USP34: variants seen among roughly 807,000 people sequenced by gnomAD.
USP34 encodes ubiquitin specific peptidase 34.
In USP34, 70 loss-of-function variants were observed where a neutral mutation model predicts 460.3. The observed-to-expected ratio is 0.15, with a 90% CI of 0.13 to 0.19. The LOEUF (loss-of-function observed/expected upper bound fraction) is 0.19, where lower values mean the gene tolerates loss of function less well. Among genes scored for constraint, USP34 ranks in the 10% least tolerant of loss-of-function variants. The probability of loss-of-function intolerance (pLI) is 1.00; values close to 1 mark genes in which losing one functional copy is unlikely to be tolerated. For missense variants in USP34, 3,985 were observed against 4,236.2 expected, an observed-to-expected ratio of 0.94 and a Z score of 1.65; for synonymous variants, 1,647 against 1,405.3, an observed-to-expected ratio of 1.17 and a Z score of -3.85.
At chr2:61,250,244 G>T in intron 48 of USP34, 1 of 181,128 alleles carries the variant, frequency 5.5e-6, no homozygotes, top group South Asian at 1.0e-4. Flanking sequence ...CTCAGTCTGA[G>T]GAAGGTTATA....
At chr2:61,294,083 C>T (rs572002408) in intron 32 of USP34, among the ~76,000 whole-genome samples, 35 of 152,044 alleles carry the variant, frequency 2.3e-4, no homozygotes, top group Admixed American at 3.3e-4. Flanking sequence ...CGGTGGCTCA[C>T]GCCTGTAATC....
intron 68 of USP34, among the ~76,000 whole-genome samples, chr2:61,212,278 G>T (rs1374634714): frequency 6.6e-6 from 1 of 152,108 alleles, no homozygotes; most frequent in South Asian, 2.1e-4. Context: ...TACAAGTTTA[G>T]AAAGAGTAAA....
At position 61,470,954 on chromosome 2, in the gene USP34, AG is replaced by A. The variant is rs1185876231; in HGVS notation, c.-263del. On this transcript the variant is annotated 5_prime_UTR_variant, in exon 1 of 80. Coordinates refer to ENST00000398571, the MANE Select transcript of USP34 (RefSeq NM_014709.4). ...GGCGCCGAGGCGCCGGCGGCGGGGA[AG>A]GGGGGGAAGGACGGGGGGAGGGGAG... Among the ~76,000 whole-genome samples the A allele has an allele frequency of 7.5e-5, 3 of 39,926 alleles. No homozygotes were observed. Among genetic ancestry groups the A allele is most frequent in the African/African-American group, 2.0e-4 (2 of 9,862 alleles). 26.2% of individuals were successfully genotyped at this position (39,926 alleles called of 152,430 possible).
At chr2:61,298,131 A>G (rs1690091088) in intron 29 of USP34, among the ~76,000 whole-genome samples, 1 of 152,118 alleles carries the variant, frequency 6.6e-6, no homozygotes, top group South Asian at 2.1e-4. Flanking sequence ...CAGTAAAGAT[A>G]CTTTATTTTT....
chr2:61,455,935 G>T (rs568745151), intron 1 of USP34, among the ~76,000 whole-genome samples: 17 of 152,174 alleles, frequency 1.1e-4, no homozygotes, highest in African/African-American at 3.9e-4. Context: ...AATGACAGGA[G>T]CAAGATTTGA....
chr2:61,423,896 A>G (rs911862560), intron 1 of USP34, among the ~76,000 whole-genome samples: 7 of 152,244 alleles, frequency 4.6e-5, no homozygotes, highest in Non-Finnish European at 7.3e-5. Flanking sequence ...GTTCAACGCT[A>G]TAGTGAGATA....
At position 61,266,058 on chromosome 2, in the gene USP34, A is replaced by G; in HGVS notation, c.5543T>C (p.Leu1848Ser). 1 of 1,613,978 alleles carries G rather than the reference A, an allele frequency of 6.2e-7. No individual in the cohort carries two copies. The highest frequency in any genetic ancestry group is 8.5e-7 in the Non-Finnish European group (1 of 1,179,890). ...HSSRAAAYDLLVEMVKGSVEN... is the reference protein window; with the variant it reads ...HSSRAAAYDLSVEMVKGSVEN... ...AACAGACCCCTTTACCATCTCTACT[A>G]ACAAATCGTAAGCGGCAGCTCTTGA... Residue 1848 changes from leucine (L) to serine (S), a missense_variant, in exon 42 of 80, where the codon TTA (leucine) becomes TCA (serine). Leu to Ser is a moderately radical substitution (Grantham distance 145). Transcript: ENST00000398571.
chr2:61,243,016 G>C (rs1294252490), intron 51 of USP34, among the ~76,000 whole-genome samples: 1 of 151,412 alleles, frequency 6.6e-6, no homozygotes, highest in Non-Finnish European at 1.5e-5. Context: ...CTAATTTTTT[G>C]CGTGTTTTTA....
intron 30 of USP34, among the ~76,000 whole-genome samples, chr2:61,295,593 T>C (rs1312225160): frequency 6.6e-6 from 1 of 152,242 alleles, no homozygotes; most frequent in Non-Finnish European, 1.5e-5. Context: ...GTTGAGTGGG[T>C]AAACTTCTAA....
At chr2:61,303,996 T>G (rs1690322127) in intron 27 of USP34, among the ~76,000 whole-genome samples, 1 of 152,036 alleles carries the variant, frequency 6.6e-6, no homozygotes, top group African/African-American at 2.4e-5. Flanking sequence ...CTCCTGGGCT[T>G]AAGCGATTCT....
At chr2:61,232,401 T>G (rs1204410709) in intron 58 of USP34, 51 bp downstream of exon 58, 2 of 1,414,244 alleles carry the variant, frequency 1.4e-6, no homozygotes, top group Non-Finnish European at 2.0e-6. Context: ...ATAATTAAAT[T>G]GAAAGTAACT....
chr2:61,427,358 C>A (rs892712348), intron 1 of USP34, among the ~76,000 whole-genome samples: 1 of 152,122 alleles, frequency 6.6e-6, no homozygotes, highest in African/African-American at 2.4e-5. Context: ...AGAAAGCCTT[C>A]CCAAGAAGGA....
At chr2:61,365,912 C>T (rs1163544914) in intron 10 of USP34, among the ~76,000 whole-genome samples, 1 of 148,560 alleles carries the variant, frequency 6.7e-6, no homozygotes, top group Non-Finnish European at 1.5e-5. Flanking sequence ...AAAACTTACA[C>T]ATTTCTGAAA....
chr2:61,270,417 T>C (rs1371881080), intron 41 of USP34, among the ~76,000 whole-genome samples: 5 of 152,224 alleles, frequency 3.3e-5, no homozygotes, highest in African/African-American at 4.8e-5. Flanking sequence ...TCTGTTGTTA[T>C]AAGCTACCCA....
intron 53 of USP34, among the ~76,000 whole-genome samples, chr2:61,238,171 C>A (rs930197561): frequency 6.6e-6 from 1 of 152,144 alleles, no homozygotes; most frequent in Non-Finnish European, 1.5e-5. Context: ...GCTGGGATTA[C>A]AGGTGTGAGG....
At chr2:61,236,270 C>A (rs778409024) in intron 54 of USP34, 34 bp from the exon 55 acceptor site, 4 of 1,594,382 alleles carry the variant, frequency 2.5e-6, no homozygotes, top group African/African-American at 1.4e-5. Flanking sequence ...AAAATTCACA[C>A]GTAAGATTTT....
At chr2:61,308,771 T>C (rs780513479) in intron 27 of USP34, among the ~76,000 whole-genome samples, 2 of 152,184 alleles carry the variant, frequency 1.3e-5, no homozygotes, top group Non-Finnish European at 2.9e-5. Flanking sequence ...CTGGGCATGG[T>C]GGCTCATGTC....
intron 5 of USP34, 32 bp from the exon 6 acceptor site, chr2:61,383,368 C>T: frequency 1.4e-6 from 2 of 1,467,692 alleles, no homozygotes; most frequent in Admixed American, 3.9e-5. Context: ...AACATTAATG[C>T]CTAATATGTG....
rs771528458 is a variant in USP34, at chr2:61,283,221, G to T, written c.4922C>A (p.Ser1641Tyr). Residue 1641 changes from serine (S) to tyrosine (Y), a missense_variant, in exon 37 of 80, where the codon TCT becomes TAT. Coordinates refer to ENST00000398571, the MANE Select transcript of USP34 (RefSeq NM_014709.4). ...ATCAGCAAGGCTAGATTTCACTAAA[G>T]AACAGCAATGAGCCCAACTCACCAA... ...WLLVSWAHCC[S>Y]LVKSSLADSD... 6.2e-7 allele frequency: 1 copy of T among 1,613,416 alleles called. No homozygotes were observed. Among genetic ancestry groups the T allele is most frequent in the Non-Finnish European group, 8.5e-7 (1 of 1,179,746 alleles).
Sources: allele counts gnomAD v4.1 joint callset (sites outside exome capture counted in the v4.1 genomes callset), GRCh38; gene constraint gnomAD v4.1.1; transcripts MANE v1.5; gene names NCBI Gene and HGNC (gene_info 2026-07-23, HGNC 2026-07-21).